Variants in LIMCH1 observed in about 807,000 individuals in gnomAD.
The protein encoded by LIMCH1 is LIM and calponin homology domains-containing protein 1.
LIMCH1 carries 113 observed loss-of-function variants against 176.5 expected under a neutral mutation model. The observed-to-expected ratio is 0.64, with a 90% confidence interval of 0.55 to 0.75. LIMCH1 has a LOEUF of 0.75. Among genes scored for constraint, LIMCH1 ranks in the 30% least tolerant of loss-of-function variants. The pLI is 0.00. For missense variants in LIMCH1, 1,674 were observed against 1,814.9 expected (o/e 0.92, Z 1.41); for synonymous variants, 619 against 645.9 (o/e 0.96, Z 0.63).
intron 1 of LIMCH1, among the ~76,000 whole-genome samples, chr4:41,454,939 C>CGTGTGT (rs1561424944): frequency 7.7e-6 from 1 of 130,464 alleles, no homozygotes; most frequent in African/African-American, 3.3e-5. Flanking sequence ...TGTATGCGTA[C>CGTGTGT]ATGTGTGTGT....
intron 1 of LIMCH1, among the ~76,000 whole-genome samples, chr4:41,552,348 T>C (rs2080574173): frequency 6.6e-6 from 1 of 152,166 alleles, no homozygotes; most frequent in Non-Finnish European, 1.5e-5. Flanking sequence ...CCTCTATCTG[T>C]GTGGTGCATC....
At chr4:41,492,318 C>T (rs939758367) in intron 1 of LIMCH1, among the ~76,000 whole-genome samples, 8 of 151,908 alleles carry the variant, frequency 5.3e-5, no homozygotes, top group East Asian at 3.9e-4. Context: ...GGAGAATCAC[C>T]GGAGCCCGAG....
intron 25 of LIMCH1, among the ~76,000 whole-genome samples, chr4:41,681,444 T>C (rs1458368445): frequency 6.6e-6 from 1 of 152,194 alleles, no homozygotes; most frequent in Non-Finnish European, 1.5e-5. Context: ...ATACTATACA[T>C]TCTTTTCCAT....
At chr4:41,443,174 A>G (rs2062877248) in intron 1 of LIMCH1, among the ~76,000 whole-genome samples, 1 of 130,238 alleles carries the variant, frequency 7.7e-6, no homozygotes, top group Non-Finnish European at 1.6e-5. Flanking sequence ...AAAAAAAATC[A>G]TATTGGATGT....
At chr4:41,634,136 T>G (rs2152880652) in intron 13 of LIMCH1, among the ~76,000 whole-genome samples, 1 of 152,358 alleles carries the variant, frequency 6.6e-6, no homozygotes, top group South Asian at 2.1e-4. Context: ...TTCACTTTGA[T>G]TCCAGGTCCA....
In LIMCH1 at chr4:41,584,671, GT is replaced by G. The variant is rs545776276; in HGVS notation, c.-240-14241del. On this transcript the variant is annotated intron_variant, in intron 1 of 31. Transcript: ENST00000503057. The stretch of plus-strand genomic sequence containing the variant: ...AGGACTCTGTGATGTGTTTATTGCT[GT>G]TTTTTTTGTTTGTTTGTTTGTTTTG... Among the ~76,000 whole-genome samples, 1,070 of 151,820 alleles carry G rather than the reference GT, an allele frequency of 7.0e-3. 18 individuals carry two copies. Among genetic ancestry groups the G allele is most frequent in the African/African-American group, 0.024 (982 of 41,406 alleles).
chr4:41,568,242 A>C (rs1359969959), intron 1 of LIMCH1, among the ~76,000 whole-genome samples: 4 of 152,226 alleles, frequency 2.6e-5, no homozygotes, highest in African/African-American at 9.6e-5. Context: ...CAGTATTTAC[A>C]ACCATAATTG....
At chr4:41,478,547 C>A (rs944032083) in intron 1 of LIMCH1, among the ~76,000 whole-genome samples, 2 of 152,210 alleles carry the variant, frequency 1.3e-5, no homozygotes, top group Admixed American at 6.5e-5. Flanking sequence ...TGGTGACATA[C>A]AACAGTTTTG....
In LIMCH1 at chr4:41,619,416, C is replaced by T. The variant is rs754939234; in HGVS notation, c.434C>T (p.Pro145Leu). Residue 145 changes from proline (P) to leucine (L), a missense_variant, in exon 6 of 32, where the codon CCG becomes CTG. Pro to Leu is a moderately conservative substitution (Grantham distance 98). Transcript: ENST00000503057. Reference sequence around the variant, plus strand: ...AAGAGCTGGAGTACCGCCACCTCCCCGCTGGGTGGGGAGAGGCCCTTCAGG... The same window carrying T: ...AAGAGCTGGAGTACCGCCACCTCCCTGCTGGGTGGGGAGAGGCCCTTCAGG... Reference protein sequence around the residue: ...YRKSWSTATSPLGGERPFSFP... With the variant: ...YRKSWSTATSLLGGERPFSFP... 4.8e-5 allele frequency: 77 copies of T among 1,611,110 alleles called. No individual in the cohort carries two copies. The highest frequency in any genetic ancestry group is 6.4e-5 in the Non-Finnish European group (76 of 1,180,030).
chr4:41,669,050 G>A lies in LIMCH1; in HGVS notation c.3397+2384G>A, dbSNP rs140144775. Reference sequence around the variant, plus strand: ...ATTTGGGAGGGGACATAGCCAAACCGTATGAATACTTTCATCTGGTTCATG... The same window carrying A: ...ATTTGGGAGGGGACATAGCCAAACCATATGAATACTTTCATCTGGTTCATG... On this transcript the variant is annotated intron_variant, in intron 21 of 31. Coordinates refer to ENST00000503057, the MANE Select transcript of LIMCH1 (RefSeq NM_001330672.2). 6.7e-3 allele frequency among the ~76,000 whole-genome samples: 1,023 copies of A among 152,238 alleles called. 4 individuals carry two copies. Among genetic ancestry groups the A allele is most frequent in the Non-Finnish European group, 0.012 (810 of 68,014 alleles).
At position 41,611,117 on chromosome 4, in the gene LIMCH1, C is replaced by A. The variant is rs185870790; in HGVS notation, c.10-2349C>A. Among the ~76,000 whole-genome samples the A allele has an allele frequency of 3.3e-5, 5 of 152,332 alleles. No individual in the cohort carries two copies. The East Asian group carries it at 9.6e-4, about 29-fold the overall frequency. ...GTCCCAAGCATTTGGATAATGGAGA[C>A]TCAATCTGTAGCACATTTTACTGTA... On this transcript the variant is annotated intron_variant, in intron 4 of 31. Coordinates refer to ENST00000503057, the MANE Select transcript of LIMCH1 (RefSeq NM_001330672.2).
At chr4:41,366,490 A>G (rs77673850) in intron 1 of LIMCH1, among the ~76,000 whole-genome samples, 11,063 of 152,224 alleles carry the variant, frequency 0.073, 607 homozygotes, top group African/African-American at 0.15. Context: ...CATCTGAGGC[A>G]GAAGAAAGGT....
intron 1 of LIMCH1, among the ~76,000 whole-genome samples, chr4:41,589,290 G>T (rs921754896): frequency 6.6e-6 from 1 of 152,164 alleles, no homozygotes; most frequent in Non-Finnish European, 1.5e-5. Context: ...AAAAGAGAGC[G>T]AGAGAGCTGT....
chr4:41,548,352 C>A (rs2079893003), intron 1 of LIMCH1, among the ~76,000 whole-genome samples: 1 of 152,066 alleles, frequency 6.6e-6, no homozygotes, highest in Non-Finnish European at 1.5e-5. Flanking sequence ...TTTTCACAAC[C>A]ATTTTATCTC....
chr4:41,443,183 G>GTTTTTTTTTTTTT (rs1265290139), intron 1 of LIMCH1, among the ~76,000 whole-genome samples: 1 of 27,374 alleles, frequency 3.7e-5, no homozygotes, highest in Non-Finnish European at 5.7e-5. Context: ...CATATTGGAT[G>GTTTTTTTTTTTTT]TTTTTTTTCT....
intron 3 of LIMCH1, among the ~76,000 whole-genome samples, chr4:41,525,974 C>A (rs2076611603): frequency 1.3e-5 from 2 of 152,012 alleles, no homozygotes; most frequent in African/African-American, 2.4e-5. Flanking sequence ...CACTCCCAGT[C>A]CAGTAGCTAA....
intron 1 of LIMCH1, among the ~76,000 whole-genome samples, chr4:41,400,745 A>G (rs140138471): frequency 0.01 from 1,561 of 152,290 alleles, 26 homozygotes; most frequent in African/African-American, 0.036. Flanking sequence ...TAATTTTAGA[A>G]TGTCAATTCT....
chr4:41,563,328 C>T (rs2152561033), intron 1 of LIMCH1, among the ~76,000 whole-genome samples: 1 of 152,228 alleles, frequency 6.6e-6, no homozygotes, highest in Non-Finnish European at 1.5e-5. Flanking sequence ...TCAGTAAGTG[C>T]TACCTGTTAA....
intron 1 of LIMCH1, among the ~76,000 whole-genome samples, chr4:41,446,456 T>C (rs1026766580): frequency 1.3e-5 from 2 of 152,234 alleles, no homozygotes; most frequent in Non-Finnish European, 2.9e-5. Context: ...CCATAACTTT[T>C]AGAAGTCAGT....
Sources: allele counts gnomAD v4.1 joint callset (sites outside exome capture counted in the v4.1 genomes callset), GRCh38; gene constraint gnomAD v4.1.1; transcripts MANE v1.5; gene names NCBI Gene and HGNC (gene_info 2026-07-23, HGNC 2026-07-21).